SPINDOC: variants seen among roughly 807,000 people sequenced by gnomAD.
SPINDOC encodes the protein spindlin interactor and repressor of chromatin binding, also known as spindlin interactor and repressor of chromatin-binding protein.
SPINDOC carries 13 observed loss-of-function variants against 30.7 expected under a neutral mutation model. The ratio of observed to expected loss-of-function variants is 0.42; its 90% CI spans 0.28 to 0.67. SPINDOC has a LOEUF of 0.67. SPINDOC is among the 30% of genes least tolerant of loss of function. The pLI, the probability that SPINDOC is intolerant of heterozygous loss-of-function variation, is 0.22. For missense variants in SPINDOC, 438 were observed against 518.0 expected (o/e 0.85, Z 1.50); for synonymous variants, 228 against 211.4 (o/e 1.08, Z -0.68).
At chr11:63,825,471 A>G (rs1254409029) in intron 5 of SPINDOC, among the ~76,000 whole-genome samples, 1 of 152,050 alleles carries the variant, frequency 6.6e-6, no homozygotes, top group Non-Finnish European at 1.5e-5. Flanking sequence ...GCTACTTTGC[A>G]TCTGTCCATA....
At chr11:63,815,561 A>T (rs1227233537) in intron 1 of SPINDOC, among the ~76,000 whole-genome samples, 2 of 152,218 alleles carry the variant, frequency 1.3e-5, no homozygotes, top group African/African-American at 2.4e-5. Flanking sequence ...TAGTGGCGTA[A>T]ACAGAAATTG....
At position 63,817,928 on chromosome 11, in the gene SPINDOC, G is replaced by C; in HGVS notation, c.251G>C (p.Gly84Ala). The change falls in exon 2 of 6, where the codon GGA (glycine) becomes GCA (alanine). Residue 84 changes from glycine to alanine, a missense_variant. Gly to Ala is a moderately conservative substitution (Grantham distance 60). Around this residue, in one of 3 missense-constraint regions of SPINDOC, gnomAD observed 129 missense variants for 152.7 expected, o/e 0.84. Transcript: ENST00000294244. ...EQEFLVGSSP[G>A]GSGRALCMVC... ...GAGTTCCTGGTGGGCAGCAGCCCAG[G>C]AGGCAGCGGGCGGGCACTGTGCATG... The C allele has an allele frequency of 1.2e-6, 2 of 1,614,138 alleles. No individual in the cohort carries two copies. Among genetic ancestry groups the C allele is most frequent in the Non-Finnish European group, 1.7e-6 (2 of 1,180,030 alleles).
In SPINDOC at chr11:63,818,277, C is replaced by T. The variant is rs148120037; in HGVS notation, c.519C>T (p.Ala173=). ...DANPDAARMP[A]EIVVLLDSED... is the part of the protein sequence containing the mutation. ...ACCCAGACGCTGCCAGAATGCCAGCCGAAATCGTCGTTCTCCTTGACTCTG... is the reference window on the plus strand; with the variant it reads ...ACCCAGACGCTGCCAGAATGCCAGCTGAAATCGTCGTTCTCCTTGACTCTG... The change falls in exon 3 of 6, where the codon GCC becomes GCT. Residue 173 remains alanine, a synonymous_variant. Transcript: ENST00000294244. The surrounding 1 kb of genome is among the most constrained non-coding windows in gnomAD (Gnocchi z 5.3). 2,527 of 1,613,968 alleles carry T rather than the reference C, an allele frequency of 1.6e-3. 3 individuals carry two copies. The highest frequency in any genetic ancestry group is 2.0e-3 in the Non-Finnish European group (2,343 of 1,180,004).
In SPINDOC at chr11:63,826,987, G is replaced by A; in HGVS notation, c.994G>A (p.Glu332Lys). ...CCAGGTTATCCGCGTGCGGATGGAG[G>A]AGCCCCCAGCGGTCAGCCTCCTGCA... ...DLQVIRVRMEEPPAVSLLQDW... is the reference protein window; with the variant it reads ...DLQVIRVRMEKPPAVSLLQDW... The change falls in exon 6 of 6, where the codon GAG becomes AAG. Residue 332 changes from glutamate (E) to lysine (K), a missense_variant. Glu to Lys is a moderately conservative substitution (Grantham distance 56). Coordinates refer to ENST00000294244, the MANE Select transcript of SPINDOC (RefSeq NM_138471.3). 1 of 1,613,698 alleles carries A rather than the reference G, an allele frequency of 6.2e-7. No individual in the cohort carries two copies. Among genetic ancestry groups the A allele is most frequent in the African/African-American group, 1.3e-5 (1 of 75,042 alleles).
rs1053891949 is a variant in SPINDOC, at chr11:63,817,401, A to G, written c.128-404A>G. On this transcript the variant is annotated intron_variant, in intron 1 of 5. Transcript: ENST00000294244. Reference sequence around the variant, plus strand: ...AGAATTTACCTTCCTCATCCTCAAGAAAGTGTAGAAGTCAGATTTGGATGA... The same window carrying G: ...AGAATTTACCTTCCTCATCCTCAAGGAAGTGTAGAAGTCAGATTTGGATGA... 5.9e-5 allele frequency among the ~76,000 whole-genome samples: 9 copies of G among 152,304 alleles called. 1 individual carries two copies. The highest frequency in any genetic ancestry group is 5.9e-4 in the Admixed American group (9 of 15,290).
intron 5 of SPINDOC, among the ~76,000 whole-genome samples, chr11:63,820,762 C>T (rs560874572): frequency 4.0e-5 from 6 of 151,130 alleles, no homozygotes; most frequent in African/African-American, 1.2e-4. Context: ...TGGTGGCGCA[C>T]GCCTGTAGTC....
At position 63,817,885 on chromosome 11, in the gene SPINDOC, C is replaced by T; in HGVS notation, c.208C>T (p.Gln70Ter). 1 of 1,613,290 alleles carries T rather than the reference C, an allele frequency of 6.2e-7. No individual in the cohort carries two copies. Among genetic ancestry groups the T allele is most frequent in the Non-Finnish European group, 8.5e-7 (1 of 1,179,694 alleles). Residue 70 changes from glutamine to a stop codon, truncating the protein, a stop_gained, in exon 2 of 6, where the codon CAG becomes TAG. Transcript: ENST00000294244. LOFTEE classifies it high-confidence loss of function. ...TGATGGCTGTGAGGAGCCGAAGCAGCAGGTGTCTTGGGAGCAGGAGTTCCT... is the reference window on the plus strand; with the variant it reads ...TGATGGCTGTGAGGAGCCGAAGCAGTAGGTGTCTTGGGAGCAGGAGTTCCT... ...GSDGCEEPKQ[Q>*]VSWEQEFLVG... is the part of the protein sequence containing the mutation.
intron 5 of SPINDOC, among the ~76,000 whole-genome samples, chr11:63,820,618 G>A (rs765590711): frequency 2.0e-5 from 3 of 151,688 alleles, no homozygotes; most frequent in Admixed American, 6.6e-5. Context: ...CGGGCCGGGC[G>A]CGGTGGCTCA....
At chr11:63,814,231 G>T (rs2015277761) in intron 1 of SPINDOC, among the ~76,000 whole-genome samples, 1 of 152,234 alleles carries the variant, frequency 6.6e-6, no homozygotes, top group African/African-American at 2.4e-5. Context: ...GGGCGGCGAA[G>T]CCTCTAGGCC....
intron 5 of SPINDOC, chr11:63,823,164 A>T (rs1439006050): frequency 7.0e-6 from 9 of 1,288,974 alleles, no homozygotes; most frequent in Non-Finnish European, 9.1e-6. Context: ...TAAATCTTTA[A>T]AAACCAGGGG....
rs1397387002 is a variant in SPINDOC at position 63,826,990 on chromosome 11, C to T, written c.997C>T (p.Pro333Ser). Residue 333 changes from proline (P) to serine (S), a missense_variant, in exon 6 of 6, where the codon CCC (proline) becomes TCC (serine). Pro to Ser is a moderately conservative substitution (Grantham distance 74, BLOSUM62 -1). Transcript: ENST00000294244. ...GGTTATCCGCGTGCGGATGGAGGAG[C>T]CCCCAGCGGTCAGCCTCCTGCAAGA... ...LQVIRVRMEE[P>S]PAVSLLQDWS... 11 of 1,612,846 alleles carry T rather than the reference C, an allele frequency of 6.8e-6. No individual in the cohort carries two copies. The highest frequency in any genetic ancestry group is 8.5e-6 in the Non-Finnish European group (10 of 1,179,036).
Position 63,817,825 on chromosome 11 carries a change from C to A in SPINDOC, c.148C>A (p.Pro50Thr). The A allele has an allele frequency of 6.3e-7, 1 of 1,593,216 alleles. No homozygotes were observed. Among genetic ancestry groups the A allele is most frequent in the Admixed American group, 1.8e-5 (1 of 56,346 alleles). Reference protein sequence around the residue: ...MLRVTQQEKTPPPRPSPLEAG... With the variant: ...MLRVTQQEKTTPPRPSPLEAG... ...CGCAGTGACCCAACAGGAGAAGACC[C>A]CACCGCCTAGACCCAGCCCGCTAGA... Residue 50 changes from proline to threonine, a missense_variant, in exon 2 of 6, where the codon CCA becomes ACA. Physicochemically the swap from Pro to Thr is conservative, Grantham distance 38. This residue lies in a region of SPINDOC where 129 missense variants were observed against 152.7 expected (regional missense o/e 0.84). Coordinates refer to ENST00000294244, the MANE Select transcript of SPINDOC (RefSeq NM_138471.3).
At chr11:63,825,243 C>G (rs969765430) in intron 5 of SPINDOC, among the ~76,000 whole-genome samples, 17 of 152,186 alleles carry the variant, frequency 1.1e-4, no homozygotes, top group African/African-American at 3.9e-4. Context: ...AGGCTCCTGA[C>G]CTCTCCCCCC....
chr11:63,817,746 T>G, intron 1 of SPINDOC, 59 bp from the exon 2 acceptor site: 1 of 1,415,550 alleles, frequency 7.1e-7, no homozygotes, highest in Non-Finnish European at 9.5e-7. Flanking sequence ...GGAGACGTGC[T>G]AAGTGTTGTT....
chr11:63,820,505 T>G (rs189777880), intron 5 of SPINDOC, among the ~76,000 whole-genome samples: 15 of 152,166 alleles, frequency 9.9e-5, no homozygotes, highest in Admixed American at 9.2e-4. Flanking sequence ...GGGAAAACCA[T>G]TTCTCAAAGA....
Position 63,818,140 on chromosome 11 carries a change from T to G in SPINDOC, c.457+6T>G, listed in dbSNP as rs1452731767. On this transcript the variant is annotated splice_donor_region_variant and intron_variant, in intron 2 of 5. Coordinates refer to ENST00000294244, the MANE Select transcript of SPINDOC (RefSeq NM_138471.3). The surrounding 1 kb of genome is among the most constrained non-coding windows in gnomAD (Gnocchi z 5.3). ...GCCGTCCCCACCCAACTCAGGTAGTTGGTCCTGGGGCTGGCGAAGGGAGAA... is the reference window on the plus strand; with the variant it reads ...GCCGTCCCCACCCAACTCAGGTAGTGGGTCCTGGGGCTGGCGAAGGGAGAA... The G allele has an allele frequency of 6.2e-7, 1 of 1,613,528 alleles. No homozygotes were observed. Among genetic ancestry groups the G allele is most frequent in the African/African-American group, 1.3e-5 (1 of 74,912 alleles).
intron 5 of SPINDOC, among the ~76,000 whole-genome samples, chr11:63,822,208 T>G (rs2015540085): frequency 6.6e-6 from 1 of 151,488 alleles, no homozygotes; most frequent in Non-Finnish European, 1.5e-5. Context: ...CTGGGCATGT[T>G]GGTGTGCACC....
Position 63,817,856 on chromosome 11 carries a change from G to T in SPINDOC, c.179G>T (p.Gly60Val), listed in dbSNP as rs768508899. ...CCTAGACCCAGCCCGCTAGAGGCAG[G>T]CAGTGATGGCTGTGAGGAGCCGAAG... is the stretch of plus-strand genomic sequence containing the variant. The part of the protein sequence containing the change: ...PPPRPSPLEA[G>V]SDGCEEPKQQ... The change falls in exon 2 of 6, where the codon GGC becomes GTC. Residue 60 changes from glycine to valine, a missense_variant. This residue lies in a region of SPINDOC where 129 missense variants were observed against 152.7 expected (regional missense o/e 0.84). Transcript: ENST00000294244. 9.9e-6 allele frequency: 16 copies of T among 1,610,200 alleles called. No individual in the cohort carries two copies. In the South Asian group the frequency reaches 1.8e-4, roughly 18 times the overall value.
At chr11:63,821,044 CCT>C (rs1437289811) in intron 5 of SPINDOC, among the ~76,000 whole-genome samples, 1 of 152,070 alleles carries the variant, frequency 6.6e-6, no homozygotes, top group Non-Finnish European at 1.5e-5. Flanking sequence ...AGAACGAGAC[CCT>C]CTCTAAAAAC....
Sources: gnomAD v4.1 joint callset for allele counts (sites outside exome capture counted in the v4.1 genomes callset) on GRCh38, gnomAD v4.1.1 for gene constraint, gnomAD v4.1.1 regional missense constraint, Gnocchi (gnomAD v3.1) non-coding constraint, MANE v1.5 for transcripts, NCBI Gene and HGNC (gene_info 2026-07-23, HGNC 2026-07-21) for gene names.